The following SORCS1 variants were observed in gnomAD, a reference collection of about 807,000 sequenced individuals.
SORCS1 encodes sortilin related VPS10 domain containing receptor 1.
SORCS1 carries 60 observed loss-of-function variants against 146.1 expected under a neutral mutation model. The ratio of observed to expected loss-of-function variants is 0.41; its 90% CI spans 0.33 to 0.51. SORCS1 has a LOEUF of 0.51. Ranked by LOEUF, SORCS1 falls within the 20% of genes least tolerant of loss-of-function variation. SORCS1 has a pLI of 0.21. For synonymous variants in SORCS1, 637 were observed against 584.0 expected, an observed-to-expected ratio of 1.09 and a Z score of -1.31; for missense variants, 1,352 against 1,487.6, an observed-to-expected ratio of 0.91 and a Z score of 1.50.
Position 106,671,377 on chromosome 10 carries a change from G to C in SORCS1, c.2059-10C>G, listed in dbSNP as rs776540443. The C allele has an allele frequency of 6.2e-7, 1 of 1,613,946 alleles. No individual in the cohort carries two copies. The highest frequency in any genetic ancestry group is 1.7e-5 in the Admixed American group (1 of 60,026). On this transcript the variant is annotated splice_polypyrimidine_tract_variant and intron_variant, in intron 15 of 25. Coordinates refer to ENST00000263054, the MANE Select transcript of SORCS1 (RefSeq NM_052918.5). ...TGATACATGCTTCCCCCTGTAAGCA[G>C]AGAAGGATCACAGATACTTGGGCAC...
At chr10:106,830,558 C>T (rs1948495099) in intron 2 of SORCS1, among the ~76,000 whole-genome samples, 1 of 150,132 alleles carries the variant, frequency 6.7e-6, no homozygotes, top group African/African-American at 2.5e-5. Flanking sequence ...TTCATTATAC[C>T]TCAGCTTTTT....
In SORCS1 at chr10:106,667,671, A is replaced by G; in HGVS notation, c.2303+18T>C. 1 of 1,593,460 alleles carries G rather than the reference A, an allele frequency of 6.3e-7. No homozygotes were observed. The highest frequency in any genetic ancestry group is 2.2e-5 in the East Asian group (1 of 44,716). ...CAGCAAAGGTTGGCCTCTCAAGGTC[A>G]CTACTCCAGACACTTACCCAGTACT... On this transcript the variant is annotated intron_variant, in intron 17 of 25. Transcript: ENST00000263054.
chr10:107,093,562 A>G (rs892224362), intron 1 of SORCS1, among the ~76,000 whole-genome samples: 1 of 151,988 alleles, frequency 6.6e-6, no homozygotes, highest in African/African-American at 2.4e-5. Flanking sequence ...AGTCCCAGCT[A>G]CTTGGGAGGC....
At position 106,611,488 on chromosome 10, in the gene SORCS1, C is replaced by A. The variant is rs529769629; in HGVS notation, c.3033+423G>T. Among the ~76,000 whole-genome samples, 188 of 152,268 alleles carry A rather than the reference C, an allele frequency of 1.2e-3. 5 individuals are homozygous for A. In the South Asian group the frequency reaches 0.03, roughly 25 times the overall value. On this transcript the variant is annotated intron_variant, in intron 22 of 25. Coordinates refer to ENST00000263054, the MANE Select transcript of SORCS1 (RefSeq NM_052918.5). ...ATGCTCACAGTTGCGGAAGTTGGAA[C>A]CTGGGACCACTCTTACTAATTGTAG... is the stretch of plus-strand genomic sequence containing the variant.
At chr10:107,169,059 C>T (rs993006838), upstream of SORCS1, among the ~76,000 whole-genome samples, 2 of 152,128 alleles carry the variant, frequency 1.3e-5, no homozygotes, top group Non-Finnish European at 1.5e-5. Flanking sequence ...TATAACCACT[C>T]CCCACATAAT....
intron 1 of SORCS1, among the ~76,000 whole-genome samples, chr10:107,087,832 G>C (rs956567067): frequency 1.3e-5 from 2 of 152,260 alleles, no homozygotes; most frequent in African/African-American, 4.8e-5. Context: ...TCTTCCCATA[G>C]CTCCTGCCTG....
intron 1 of SORCS1, among the ~76,000 whole-genome samples, chr10:107,143,979 G>A (rs1968075275): frequency 6.6e-6 from 1 of 151,940 alleles, no homozygotes; most frequent in East Asian, 1.9e-4. Flanking sequence ...TAAGATGCCA[G>A]TTTTTCTCTC....
Position 106,672,998 on chromosome 10 carries a change from T to A in SORCS1, c.1941-13A>T. ...GTGTCCAAACACTCTACAGAGTTCATGGTGATAAAAATAATTACAATGATA... is the reference window on the plus strand; with the variant it reads ...GTGTCCAAACACTCTACAGAGTTCAAGGTGATAAAAATAATTACAATGATA... On this transcript the variant is annotated splice_polypyrimidine_tract_variant and intron_variant, in intron 14 of 25. Transcript: ENST00000263054. 6.2e-7 allele frequency: 1 copy of A among 1,603,174 alleles called. No individual in the cohort carries two copies. The highest frequency in any genetic ancestry group is 1.7e-4 in the Middle Eastern group (1 of 6,036).
intron 18 of SORCS1, among the ~76,000 whole-genome samples, chr10:106,636,992 T>C (rs1408718002): frequency 6.6e-6 from 1 of 152,208 alleles, no homozygotes; most frequent in African/African-American, 2.4e-5. Context: ...GCCAAAGTGA[T>C]GTAAGATGAT....
chr10:107,064,552 C>T (rs1961557701), intron 1 of SORCS1, among the ~76,000 whole-genome samples: 1 of 152,146 alleles, frequency 6.6e-6, no homozygotes, highest in Non-Finnish European at 1.5e-5. Context: ...TTTATGTAGG[C>T]AATCTTGTAT....
In SORCS1 at chr10:106,671,382, G is replaced by C; in HGVS notation, c.2059-15C>G. 1 of 1,613,828 alleles carries C rather than the reference G, an allele frequency of 6.2e-7. No individual in the cohort carries two copies. The highest frequency in any genetic ancestry group is 2.2e-5 in the East Asian group (1 of 44,864). On this transcript the variant is annotated splice_polypyrimidine_tract_variant and intron_variant, in intron 15 of 25. Transcript: ENST00000263054. ...CATGCTTCCCCCTGTAAGCAGAGAA[G>C]GATCACAGATACTTGGGCACATAGC...
chr10:106,681,462 C>G (rs1044974407), intron 10 of SORCS1, among the ~76,000 whole-genome samples: 5 of 152,100 alleles, frequency 3.3e-5, no homozygotes, highest in African/African-American at 1.2e-4. Flanking sequence ...AGCATAGAAT[C>G]TAAACAAGAT....
At chr10:107,137,914 T>C (rs1967467873) in intron 1 of SORCS1, among the ~76,000 whole-genome samples, 1 of 152,030 alleles carries the variant, frequency 6.6e-6, no homozygotes, top group African/African-American at 2.4e-5. Context: ...CTTTTTTAAC[T>C]ACTCAATTCC....
At position 106,768,231 on chromosome 10, in the gene SORCS1, A is replaced by G. The variant is rs376318013; in HGVS notation, c.886-6570T>C. 9.8e-5 allele frequency among the ~76,000 whole-genome samples: 15 copies of G among 152,292 alleles called. No homozygotes were observed. In the East Asian group the frequency reaches 2.9e-3, roughly 29 times the overall value. ...GGATACTTAAATTACTCACATATTC[A>G]TGAGGTTAGAAATCAGATCTGACAC... On this transcript the variant is annotated intron_variant, in intron 4 of 25. Coordinates refer to ENST00000263054, the MANE Select transcript of SORCS1 (RefSeq NM_052918.5).
intron 10 of SORCS1, among the ~76,000 whole-genome samples, chr10:106,681,581 C>A (rs1852436610): frequency 6.6e-6 from 1 of 152,132 alleles, no homozygotes; most frequent in Non-Finnish European, 1.5e-5. Context: ...GCTGGATTAT[C>A]AACCACATAA....
chr10:106,609,023 G>T (rs1425614815), intron 22 of SORCS1, among the ~76,000 whole-genome samples: 1 of 152,194 alleles, frequency 6.6e-6, no homozygotes, highest in Non-Finnish European at 1.5e-5. Flanking sequence ...GACAATAAGT[G>T]TCTCCCTGAA....
intron 24 of SORCS1, among the ~76,000 whole-genome samples, chr10:106,588,080 A>G (rs1219859461): frequency 6.6e-6 from 1 of 152,176 alleles, no homozygotes; most frequent in African/African-American, 2.4e-5. Context: ...TCTAGATAAT[A>G]TTATTTGTTT....
intron 1 of SORCS1, among the ~76,000 whole-genome samples, chr10:107,050,140 T>G (rs1959971439): frequency 6.6e-6 from 1 of 152,136 alleles, no homozygotes; most frequent in African/African-American, 2.4e-5. Context: ...AAGGGGGAGA[T>G]TCAGTCAAAA....
At position 106,675,034 on chromosome 10, in the gene SORCS1, T is replaced by C; in HGVS notation, c.1940+15A>G. 4 of 1,596,626 alleles carry C rather than the reference T, an allele frequency of 2.5e-6. No homozygotes were observed. The highest frequency in any genetic ancestry group is 2.2e-5 in the South Asian group (2 of 90,254). On this transcript the variant is annotated intron_variant, in intron 14 of 25. Transcript: ENST00000263054. ...TTTCTATGAAGGCTGGACCACATCA[T>C]ACTTTTCAACTTACGTCATGATGAG...
Sources: gnomAD v4.1 joint callset for allele counts (sites outside exome capture counted in the v4.1 genomes callset) on GRCh38, gnomAD v4.1.1 for gene constraint, MANE v1.5 for transcripts, NCBI Gene and HGNC (gene_info 2026-07-23, HGNC 2026-07-21) for gene names.